Variants in UBE2E2 observed in about 807,000 individuals in gnomAD.
The protein encoded by UBE2E2 is ubiquitin-conjugating enzyme E2 E2.
In UBE2E2, 6 loss-of-function variants were observed where a neutral mutation model predicts 24.7. That is an observed-to-expected ratio of 0.24 (90% CI 0.13 to 0.48). UBE2E2 has a LOEUF of 0.48. Ranked by LOEUF, UBE2E2 falls within the 20% of genes least tolerant of loss-of-function variation. The pLI is 0.99. For synonymous variants in UBE2E2, 104 were observed against 83.6 expected (o/e 1.24, Z -1.33); for missense variants, 169 against 245.0 (o/e 0.69, Z 2.07).
In UBE2E2 at chr3:23,303,183, G is replaced by T. The variant is rs368125903; in HGVS notation, c.227+85871G>T. Among the ~76,000 whole-genome samples, 13 of 152,070 alleles carry T rather than the reference G, an allele frequency of 8.5e-5. No individual in the cohort carries two copies. The East Asian group carries it at 2.1e-3, about 25-fold the overall frequency. ...ATTAGAATCTAATGCATGATGATCT[G>T]TCACTGTCTCCCGTCACCCCCAGAT... is the stretch of plus-strand genomic sequence containing the variant. On this transcript the variant is annotated intron_variant, in intron 3 of 5. Transcript: ENST00000396703.
At chr3:23,357,356 G>T (rs142036356) in intron 3 of UBE2E2, among the ~76,000 whole-genome samples, 4 of 152,164 alleles carry the variant, frequency 2.6e-5, no homozygotes, top group African/African-American at 9.6e-5. Flanking sequence ...TAAAGGGCAG[G>T]TTATTTACTG....
chr3:23,434,087 G>A (rs931590528), intron 3 of UBE2E2, among the ~76,000 whole-genome samples: 1 of 152,062 alleles, frequency 6.6e-6, no homozygotes, highest in African/African-American at 2.4e-5. Context: ...GAATACTGCT[G>A]CTATTTGAGT....
intron 3 of UBE2E2, among the ~76,000 whole-genome samples, chr3:23,234,734 A>C (rs1032728387): frequency 6.6e-5 from 10 of 152,122 alleles, no homozygotes; most frequent in African/African-American, 2.4e-4. Context: ...TGTTTATTAG[A>C]GTTAAGCTTG....
chr3:23,459,348 A>T (rs1273041115), intron 3 of UBE2E2, among the ~76,000 whole-genome samples: 1 of 152,242 alleles, frequency 6.6e-6, no homozygotes, highest in Non-Finnish European at 1.5e-5. Flanking sequence ...ACTAAAAGAG[A>T]TGAGAAATAA....
chr3:23,429,527 A>G (rs1698005343), intron 3 of UBE2E2, among the ~76,000 whole-genome samples: 2 of 152,192 alleles, frequency 1.3e-5, no homozygotes, highest in Admixed American at 1.3e-4. Context: ...GGCTAAAGAA[A>G]ATTCTCAGGA....
intron 3 of UBE2E2, among the ~76,000 whole-genome samples, chr3:23,423,144 T>A (rs1697843639): frequency 6.6e-6 from 1 of 152,248 alleles, no homozygotes; most frequent in East Asian, 1.9e-4. Flanking sequence ...TGTTAAGCAG[T>A]CACAAAACTT....
chr3:23,514,707 G>T (rs961126525), intron 4 of UBE2E2, among the ~76,000 whole-genome samples: 3 of 152,002 alleles, frequency 2.0e-5, no homozygotes, highest in Admixed American at 1.3e-4. Flanking sequence ...AGTGGTTAAA[G>T]AACTTCATCA....
intron 3 of UBE2E2, among the ~76,000 whole-genome samples, chr3:23,398,891 A>G (rs1179644904): frequency 6.6e-6 from 1 of 152,244 alleles, no homozygotes; most frequent in African/African-American, 2.4e-5. Context: ...TTGTCAGAAA[A>G]CTGGTAGAAT....
At position 23,589,645 on chromosome 3, in the gene UBE2E2, C is replaced by T; in HGVS notation, c.509-89C>T. On this transcript the variant is annotated intron_variant, in intron 5 of 5. Transcript: ENST00000396703. This position sits in a 1 kb window ranked among gnomAD's most constrained non-coding sequence, Gnocchi z 4.1. The stretch of plus-strand genomic sequence containing the variant: ...AGGTTAGAACAGCAGCTTCTCATCT[C>T]CTACCCTCCCACTCCTTGCCAGCTT... 3.7e-6 allele frequency: 5 copies of T among 1,363,042 alleles called. No homozygotes were observed. In the South Asian group the frequency reaches 5.1e-5, roughly 14 times the overall value. 84.4% of individuals were successfully genotyped at this position (1,363,042 alleles called of 1,614,324 possible). A position where few individuals can be genotyped will look rare whatever the true frequency, so the allele number is the denominator to read the frequency against.
At chr3:23,539,898 A>G (rs1695350652) in intron 5 of UBE2E2, among the ~76,000 whole-genome samples, 1 of 152,158 alleles carries the variant, frequency 6.6e-6, no homozygotes, top group Non-Finnish European at 1.5e-5. Flanking sequence ...TGTGAACTAG[A>G]TGGCCTCTAG....
chr3:23,270,983 T>C (rs1276887136), intron 3 of UBE2E2: 1 of 456,642 alleles, frequency 2.2e-6, no homozygotes. Context: ...GCATCTCTTC[T>C]AACTTGTGAG....
At chr3:23,438,691 G>T (rs1361196023) in intron 3 of UBE2E2, among the ~76,000 whole-genome samples, 1 of 152,064 alleles carries the variant, frequency 6.6e-6, no homozygotes, top group Non-Finnish European at 1.5e-5. Flanking sequence ...ATCATGGTTT[G>T]ATATATGCTT....
chr3:23,369,712 G>A (rs745494068), intron 3 of UBE2E2, among the ~76,000 whole-genome samples: 3 of 152,102 alleles, frequency 2.0e-5, no homozygotes, highest in Non-Finnish European at 4.4e-5. Flanking sequence ...TGTGTTAGAG[G>A]TAAGCATTAA....
At chr3:23,265,545 T>C (rs1391042392) in intron 3 of UBE2E2, among the ~76,000 whole-genome samples, 2 of 152,064 alleles carry the variant, frequency 1.3e-5, no homozygotes, top group African/African-American at 4.8e-5. Flanking sequence ...TGAATTTTAG[T>C]GAAAATAAAA....
intron 3 of UBE2E2, among the ~76,000 whole-genome samples, chr3:23,277,013 A>G (rs1698387990): frequency 6.6e-6 from 1 of 152,182 alleles, no homozygotes; most frequent in South Asian, 2.1e-4. Context: ...TAGGAAAACA[A>G]AGGCTTTCGT....
intron 2 of UBE2E2, among the ~76,000 whole-genome samples, chr3:23,209,829 G>A (rs962921223): frequency 3.3e-5 from 5 of 152,164 alleles, no homozygotes; most frequent in African/African-American, 1.2e-4. Context: ...AGAGATGTTG[G>A]AGGGATGGTG....
intron 5 of UBE2E2, among the ~76,000 whole-genome samples, chr3:23,566,678 A>G (rs1021280762): frequency 3.9e-5 from 6 of 152,120 alleles, no homozygotes; most frequent in Non-Finnish European, 8.8e-5. Flanking sequence ...ACTCTTTTGA[A>G]CAACCAGATC....
intron 3 of UBE2E2, among the ~76,000 whole-genome samples, chr3:23,323,278 T>C (rs140748852): frequency 4.6e-5 from 7 of 152,248 alleles, no homozygotes; most frequent in Admixed American, 4.6e-4. Flanking sequence ...TTTATAACTT[T>C]AATAATTTGC....
Position 23,591,435 on chromosome 3 carries a change from G to T in UBE2E2, c.*1604G>T, listed in dbSNP as rs1006063719. The T allele has an allele frequency of 6.6e-6, 1 of 152,130 alleles. No individual in the cohort carries two copies. Among genetic ancestry groups the T allele is most frequent in the African/African-American group, 2.4e-5 (1 of 41,412 alleles). 9.4% of individuals were successfully genotyped at this position (152,130 alleles called of 1,614,324 possible). ...TCCTAAGAAAATATATTTAAATATTGCAAATGCCACTTCTAAACCAAAATA... is the reference window on the plus strand; with the variant it reads ...TCCTAAGAAAATATATTTAAATATTTCAAATGCCACTTCTAAACCAAAATA... On this transcript the variant is annotated 3_prime_UTR_variant, in exon 6 of 6. Coordinates refer to ENST00000396703, the MANE Select transcript of UBE2E2 (RefSeq NM_152653.4).
Sources: gnomAD v4.1 joint callset for allele counts (sites outside exome capture counted in the v4.1 genomes callset) on GRCh38, gnomAD v4.1.1 for gene constraint, Gnocchi (gnomAD v3.1) non-coding constraint, MANE v1.5 for transcripts, NCBI Gene and HGNC (gene_info 2026-07-23, HGNC 2026-07-21) for gene names.